RARB: variants seen among roughly 807,000 people sequenced by gnomAD.
RARB encodes retinoic acid receptor beta.
A neutral mutation model predicts 51.9 loss-of-function variants in RARB; 17 were observed. The observed-to-expected ratio is 0.33, with a 90% CI of 0.22 to 0.49. The LOEUF (loss-of-function observed/expected upper bound fraction) is 0.49. Ranked by LOEUF, RARB falls within the 20% of genes least tolerant of loss-of-function variation. The pLI is 0.99. For missense variants in RARB, 369 were observed against 550.8 expected, an observed-to-expected ratio of 0.67 and a Z score of 3.30; for synonymous variants, 215 against 195.4, an observed-to-expected ratio of 1.10 and a Z score of -0.84.
chr3:25,330,929 G>A (rs1037250620), intron 5 of RARB, among the ~76,000 whole-genome samples: 1 of 152,162 alleles, frequency 6.6e-6, no homozygotes, highest in African/African-American at 2.4e-5. Context: ...AGACAAAGAA[G>A]GCCATTACAT....
At chr3:25,591,259 C>G (rs913000244) in intron 5 of RARB, among the ~76,000 whole-genome samples, 14 of 152,168 alleles carry the variant, frequency 9.2e-5, no homozygotes, top group Non-Finnish European at 1.8e-4. Context: ...AGGACATGTC[C>G]TGATTTAGAT....
intron 5 of RARB, among the ~76,000 whole-genome samples, chr3:25,198,079 T>A (rs117335600): frequency 6.6e-6 from 1 of 152,018 alleles, no homozygotes; most frequent in South Asian, 2.1e-4. Context: ...AACAGACATA[T>A]AGACCTATGG....
rs542299126 is a variant in RARB at position 25,180,574 on chromosome 3, G to A, written c.178+5999G>A. ...ATGCAGGTAGGTGGACATGAGGTCA[G>A]GTGGAGTGGCCTGGGCCATCTTCAG... On this transcript the variant is annotated intron_variant, in intron 5 of 11. Coordinates refer to the RARB transcript ENST00000383772. 6.5e-4 allele frequency among the ~76,000 whole-genome samples: 99 copies of A among 152,332 alleles called. 1 individual carries two copies. Among genetic ancestry groups the A allele is most frequent in the African/African-American group, 2.3e-3 (96 of 41,582 alleles).
At chr3:25,405,124 C>T (rs745467887) in intron 5 of RARB, among the ~76,000 whole-genome samples, 21 of 152,286 alleles carry the variant, frequency 1.4e-4, no homozygotes, top group Middle Eastern at 3.4e-3. Flanking sequence ...ATTTTTTAAC[C>T]GTCTCTTAAT....
chr3:25,003,611 A>G (rs1467355661), intron 2 of RARB, among the ~76,000 whole-genome samples: 4 of 152,104 alleles, frequency 2.6e-5, no homozygotes, highest in Non-Finnish European at 4.4e-5. Context: ...TGTGTTAGAC[A>G]CTCATGAAAG....
chr3:24,922,270 C>T (rs966980785), intron 2 of RARB, among the ~76,000 whole-genome samples: 22 of 152,260 alleles, frequency 1.4e-4, no homozygotes, highest in Admixed American at 9.8e-4. Flanking sequence ...AAATGTGAAG[C>T]ATAATTCCTG....
chr3:24,970,051 G>C (rs1293181275), intron 2 of RARB, among the ~76,000 whole-genome samples: 1 of 152,024 alleles, frequency 6.6e-6, no homozygotes, highest in Non-Finnish European at 1.5e-5. Flanking sequence ...ACATATTTTA[G>C]GCTGTGTGGG....
intron 4 of RARB, among the ~76,000 whole-genome samples, chr3:25,163,699 A>T (rs989653406): frequency 6.6e-6 from 1 of 151,690 alleles, no homozygotes; most frequent in Non-Finnish European, 1.5e-5. Flanking sequence ...TGAGTCAAGG[A>T]CCCCGTTCCC....
chr3:24,971,902 G>T (rs1202235872), intron 2 of RARB, among the ~76,000 whole-genome samples: 1 of 151,812 alleles, frequency 6.6e-6, no homozygotes. Flanking sequence ...ATACATAATG[G>T]ATGTACATAT....
At chr3:25,252,214 A>G (rs75271985) in intron 5 of RARB, among the ~76,000 whole-genome samples, 7 of 152,248 alleles carry the variant, frequency 4.6e-5, no homozygotes, top group Non-Finnish European at 7.4e-5. Context: ...TCTTTGATCT[A>G]TATGTCTATT....
In RARB at chr3:25,254,346, C is replaced by T. The variant is rs552039151; in HGVS notation, c.178+79771C>T. On this transcript the variant is annotated intron_variant, in intron 5 of 11. Transcript: ENST00000383772. ...TTACTTCTCTACATAGGTAGCTTTT[C>T]CTCTTAATTTAGTCTTGGAGTTTCT... Among the ~76,000 whole-genome samples the T allele has an allele frequency of 2.6e-5, 4 of 152,250 alleles. No homozygotes were observed. In the East Asian group the frequency reaches 5.8e-4, roughly 22 times the overall value.
intron 4 of RARB, among the ~76,000 whole-genome samples, chr3:25,137,599 T>C (rs1700050342): frequency 6.6e-6 from 1 of 152,130 alleles, no homozygotes; most frequent in Admixed American, 6.6e-5. Context: ...CTTTATAAAT[T>C]ATAATCACTC....
At chr3:25,279,345 T>G (rs1483845) in intron 5 of RARB, among the ~76,000 whole-genome samples, 1 of 152,042 alleles carries the variant, frequency 6.6e-6, no homozygotes, top group Non-Finnish European at 1.5e-5. Context: ...CCTGTTTTCT[T>G]TTTCTCTCTT....
chr3:25,165,108 AG>A (rs1197393718), intron 4 of RARB, among the ~76,000 whole-genome samples: 1 of 152,158 alleles, frequency 6.6e-6, no homozygotes, highest in Non-Finnish European at 1.5e-5. Flanking sequence ...GAAAGAAGAA[AG>A]AAAAAAAATA....
At chr3:24,905,146 TAACC>T (rs1694831588) in intron 2 of RARB, among the ~76,000 whole-genome samples, 1 of 152,142 alleles carries the variant, frequency 6.6e-6, no homozygotes, top group East Asian at 1.9e-4. Flanking sequence ...AAAAATAAAA[TAACC>T]AAAGCCTTTA....
At chr3:25,196,280 C>G (rs193145666) in intron 5 of RARB, among the ~76,000 whole-genome samples, 1 of 151,802 alleles carries the variant, frequency 6.6e-6, no homozygotes, top group African/African-American at 2.4e-5. Flanking sequence ...TCCAAGTGTT[C>G]TCATGGTTCA....
At chr3:25,499,518 A>C (rs1464498516) in intron 2 of RARB, among the ~76,000 whole-genome samples, 1 of 151,500 alleles carries the variant, frequency 6.6e-6, no homozygotes, top group Non-Finnish European at 1.5e-5. Context: ...GGGGAAGACA[A>C]AGAGGAAGTT....
At position 25,198,402 on chromosome 3, in the gene RARB, C is replaced by G. The variant is rs187964177; in HGVS notation, c.178+23827C>G. 3.8e-3 allele frequency among the ~76,000 whole-genome samples: 576 copies of G among 152,036 alleles called. 2 individuals carry two copies. The highest frequency in any genetic ancestry group is 0.013 in the African/African-American group (536 of 41,490). ...AGCAATACCCTACAAGCACTGGCAA[C>G]CAAAGCAAAAATGGACAAATAGGAT... On this transcript the variant is annotated intron_variant, in intron 5 of 11. Coordinates refer to the RARB transcript ENST00000383772.
intron 3 of RARB, among the ~76,000 whole-genome samples, chr3:25,511,125 T>G (rs1437337254): frequency 7.4e-6 from 1 of 136,054 alleles, no homozygotes; most frequent in Non-Finnish European, 1.5e-5. Context: ...TTATTTTTTG[T>G]TTTTTGTTTT....
Sources: allele counts gnomAD v4.1 joint callset (sites outside exome capture counted in the v4.1 genomes callset), GRCh38; gene constraint gnomAD v4.1.1; transcripts MANE v1.5; gene names NCBI Gene and HGNC (gene_info 2026-07-23, HGNC 2026-07-21).